Variants in SPATA6 observed in about 807,000 individuals in gnomAD.
SPATA6 encodes the protein spermatogenesis-associated protein 6.
A neutral mutation model predicts 65.3 loss-of-function variants in SPATA6; 56 were observed. That is an observed-to-expected ratio of 0.86 (90% confidence interval 0.69 to 1.07). The LOEUF (loss-of-function observed/expected upper bound fraction) is 1.07. Among genes scored for constraint, SPATA6 ranks in the 50% least tolerant of loss-of-function variants. The pLI, the probability that SPATA6 is intolerant of heterozygous loss-of-function variation, is 0.00. For synonymous variants in SPATA6, 199 were observed against 213.2 expected, an observed-to-expected ratio of 0.93 and a Z score of 0.58; for missense variants, 590 against 594.8, an observed-to-expected ratio of 0.99 and a Z score of 0.08.
At chr1:48,306,025 A>G (rs11801452) in intron 11 of SPATA6, 147 bp from the exon 12 acceptor site, 7,052 of 586,204 alleles carry the variant, frequency 0.012, 378 homozygotes, top group African/African-American at 0.12. Flanking sequence ...CTTTGGGGGG[A>G]AAAAGGTTAA....
At chr1:48,267,393 A>G in the SPATA6 span, among the ~76,000 whole-genome samples, 3 of 152,202 alleles carry the variant, frequency 2.0e-5, no homozygotes, top group African/African-American at 7.2e-5. Context: ...GGCTTTCTGT[A>G]TTCCAGGCTC....
At chr1:48,285,031 C>T in the SPATA6 span, among the ~76,000 whole-genome samples, 1 of 152,108 alleles carries the variant, frequency 6.6e-6, no homozygotes. Flanking sequence ...GCGCCCACAG[C>T]CACCCCTTCC....
At chr1:48,324,045 G>C (rs572932624) in intron 11 of SPATA6, among the ~76,000 whole-genome samples, 1 of 152,202 alleles carries the variant, frequency 6.6e-6, no homozygotes, top group East Asian at 1.9e-4. Flanking sequence ...GACTGCCAGG[G>C]CTCAAGCAAT....
downstream of SPATA6, among the ~76,000 whole-genome samples, chr1:48,291,054 GCAC>G (rs1184813443): frequency 1.3e-5 from 2 of 152,166 alleles, no homozygotes; most frequent in Admixed American, 6.5e-5. Context: ...ATTCTTCTCA[GCAC>G]CACGTCGCAC....
chr1:48,354,303 CTG>C, intron 11 of SPATA6, among the ~76,000 whole-genome samples: 1 of 152,176 alleles, frequency 6.6e-6, no homozygotes, highest in East Asian at 1.9e-4. Context: ...GGGAGTGTAA[CTG>C]TTAAAACCAT....
intron 4 of SPATA6, among the ~76,000 whole-genome samples, 170 bp downstream of exon 4, chr1:48,412,940 T>TA (rs1033283791): frequency 2.0e-5 from 3 of 150,020 alleles, no homozygotes; most frequent in African/African-American, 2.4e-5. Context: ...GATTTTGAAG[T>TA]AAAAAAAAAT....
intron 9 of SPATA6, among the ~76,000 whole-genome samples, chr1:48,378,993 C>A (rs2148880975): frequency 6.6e-6 from 1 of 152,218 alleles, no homozygotes; most frequent in East Asian, 1.9e-4. Context: ...ATAAGATAGG[C>A]ACAGAAAGAC....
At chr1:48,445,310 C>G (rs1655905933) in intron 3 of SPATA6, among the ~76,000 whole-genome samples, 1 of 152,150 alleles carries the variant, frequency 6.6e-6, no homozygotes, top group Non-Finnish European at 1.5e-5. Context: ...CTATGAGGTG[C>G]TGCCAGGGCA....
At chr1:48,439,938 A>G (rs550813631) in intron 3 of SPATA6, among the ~76,000 whole-genome samples, 8 of 152,344 alleles carry the variant, frequency 5.3e-5, no homozygotes, top group Admixed American at 4.6e-4. Flanking sequence ...CTTTTCTGTA[A>G]GAGGGAAGGC....
rs372747533 is a variant in SPATA6 at position 48,399,500 on chromosome 1, T to C, written c.631A>G (p.Ile211Val). 9 of 1,613,150 alleles carry C rather than the reference T, an allele frequency of 5.6e-6. No homozygotes were observed. In the South Asian group the frequency reaches 6.6e-5, roughly 12 times the overall value. ...INAKNYEQPT[I>V]SSKSHSPSPY... is the part of the protein sequence containing the mutation. ...GATGGAGAGTGTGATTTTGAAGAAA[T>C]TGTAGGCTGTTCGTAGTTTTTTGCA... The change falls in exon 7 of 13, where the codon ATT becomes GTT. Residue 211 changes from isoleucine to valine, a missense_variant. Physicochemically the swap from Ile to Val is conservative, Grantham distance 29. Transcript: ENST00000371847.
the SPATA6 span, among the ~76,000 whole-genome samples, chr1:48,267,317 T>G: frequency 1.3e-5 from 2 of 152,238 alleles, no homozygotes; most frequent in African/African-American, 4.8e-5. Flanking sequence ...CTTTCAGTTT[T>G]GCCATCTGCA....
At chr1:48,365,247 T>G (rs1279263451) in intron 9 of SPATA6, among the ~76,000 whole-genome samples, 3 of 152,182 alleles carry the variant, frequency 2.0e-5, no homozygotes, top group Non-Finnish European at 4.4e-5. Flanking sequence ...CCTCCGGGTT[T>G]GTTCTTTTGG....
intron 1 of SPATA6, among the ~76,000 whole-genome samples, chr1:48,453,633 T>C (rs1360109752): frequency 6.6e-6 from 1 of 152,190 alleles, no homozygotes; most frequent in Non-Finnish European, 1.5e-5. Flanking sequence ...GCTAATAAAA[T>C]GAAAGTTTCT....
chr1:48,446,273 T>C (rs926144680), intron 3 of SPATA6, among the ~76,000 whole-genome samples: 17 of 152,104 alleles, frequency 1.1e-4, no homozygotes, highest in Non-Finnish European at 1.9e-4. Flanking sequence ...GCCAGTGGTA[T>C]ATACTGAAAA....
chr1:48,433,388 ATTAAG>A (rs1369292704), intron 3 of SPATA6, among the ~76,000 whole-genome samples: 2 of 152,188 alleles, frequency 1.3e-5, no homozygotes, highest in Non-Finnish European at 2.9e-5. Flanking sequence ...GAACACAAAT[ATTAAG>A]TTAATGTAAA....
At chr1:48,399,109 C>T (rs1570449131) in intron 7 of SPATA6, 2 of 435,710 alleles carry the variant, frequency 4.6e-6, no homozygotes, top group African/African-American at 2.0e-5. Context: ...GAAAGGAAAC[C>T]GGTACTGAGA....
chr1:48,381,513 A>T lies in SPATA6; in HGVS notation c.909+3796T>A, dbSNP rs570207388. On this transcript the variant is annotated intron_variant, in intron 9 of 12. Transcript: ENST00000371847. ...GTGCTATACTTCTTTTATCATAGTT[A>T]AAGTATGGCAAAGTATTGTGGTATT... Among the ~76,000 whole-genome samples the T allele has an allele frequency of 2.6e-5, 4 of 152,230 alleles. No homozygotes were observed. The South Asian group carries it at 8.3e-4, about 32-fold the overall frequency.
At chr1:48,291,321 C>T (rs1644765915), downstream of SPATA6, among the ~76,000 whole-genome samples, 1 of 152,108 alleles carries the variant, frequency 6.6e-6, no homozygotes, top group African/African-American at 2.4e-5. Context: ...TTGTCTTTGG[C>T]TACCAGGGCG....
chr1:48,281,859 A>G, the SPATA6 span, among the ~76,000 whole-genome samples: 98 of 152,356 alleles, frequency 6.4e-4, no homozygotes, highest in East Asian at 0.016. Flanking sequence ...GAACCAAAAA[A>G]GAGCCTGCAT....
Sources: gnomAD v4.1 joint callset for allele counts (sites outside exome capture counted in the v4.1 genomes callset) on GRCh38, gnomAD v4.1.1 for gene constraint, MANE v1.5 for transcripts, NCBI Gene and HGNC (gene_info 2026-07-23, HGNC 2026-07-21) for gene names.